The following CTSC variants were observed in gnomAD, a reference collection of about 807,000 sequenced individuals.
CTSC encodes cathepsin C, also known as dipeptidyl peptidase 1.
A neutral mutation model predicts 40.9 loss-of-function variants in CTSC; 37 were observed. That is an observed-to-expected ratio of 0.91 (90% confidence interval 0.70 to 1.19). CTSC has a LOEUF of 1.19. Among genes scored for constraint, CTSC ranks in the 50% most tolerant of loss-of-function variants. CTSC has a pLI of 0.00. For missense variants in CTSC, 594 were observed against 567.3 expected, an observed-to-expected ratio of 1.05 and a Z score of -0.48; for synonymous variants, 232 against 207.4, an observed-to-expected ratio of 1.12 and a Z score of -1.02.
At position 88,337,609 on chromosome 11, in the gene CTSC, C is replaced by T. The variant is rs201302634; in HGVS notation, c.64G>A (p.Val22Met). The T allele has an allele frequency of 1.3e-6, 2 of 1,580,556 alleles. No individual in the cohort carries two copies. Among genetic ancestry groups the T allele is most frequent in the Non-Finnish European group, 1.7e-6 (2 of 1,162,816 alleles). ...LLLLLSGDGAVRCDTPANCTY... is the reference protein window; with the variant it reads ...LLLLLSGDGAMRCDTPANCTY... ...CAGTTGGCAGGTGTGTCGCAGCGCA[C>T]GGCGCCGTCGCCGGAGAGAAGCAGC... Residue 22 changes from valine to methionine, a missense_variant, in exon 1 of 7, where the codon GTG becomes ATG. Transcript: ENST00000227266.
intron 2 of CTSC, chr11:88,324,011 TACTAC>T (rs1181812955): frequency 2.0e-5 from 3 of 152,070 alleles, no homozygotes; most frequent in Admixed American, 1.3e-4. Context: ...TTTCATACTA[TACTAC>T]AAGGCTACAG....
At chr11:88,309,566 T>A (rs562164299) in intron 3 of CTSC, among the ~76,000 whole-genome samples, 1 of 152,114 alleles carries the variant, frequency 6.6e-6, no homozygotes, top group Non-Finnish European at 1.5e-5. Context: ...AGATTGTAAA[T>A]AACCGAAATA....
At chr11:88,327,960 G>T in intron 2 of CTSC, 1 of 681,600 alleles carries the variant, frequency 1.5e-6, no homozygotes, top group Non-Finnish European at 2.7e-6. Flanking sequence ...AGAAACAGCA[G>T]ACAAGCAGGC....
At chr11:88,324,995 ATTC>A (rs1938140763) in intron 2 of CTSC, 1 of 985,238 alleles carries the variant, frequency 1.0e-6, no homozygotes. Context: ...CTAGAGAAAA[ATTC>A]TTCTATTCAA....
At position 88,294,316 on chromosome 11, in the gene CTSC, T is replaced by G; in HGVS notation, c.1082A>C (p.Lys361Thr). ...GGGCCCATGATGGACCAACTCAAGC[T>G]TCATCAGGGCTTCATTGCAGCCTCC... ...FYGGCNEALMKLELVHHGPMA... is the reference protein window; with the variant it reads ...FYGGCNEALMTLELVHHGPMA... Residue 361 changes from lysine (K) to threonine (T), a missense_variant, in exon 7 of 7, where the codon AAG becomes ACG. Coordinates refer to ENST00000227266, the MANE Select transcript of CTSC (RefSeq NM_001814.6). 3.1e-6 allele frequency: 5 copies of G among 1,614,156 alleles called. No individual in the cohort carries two copies. Among genetic ancestry groups the G allele is most frequent in the Non-Finnish European group, 4.2e-6 (5 of 1,180,034 alleles).
In CTSC at chr11:88,294,405, G is replaced by C; in HGVS notation, c.993C>G (p.Cys331Trp). ...CFPYTGTDSP[C>W]KMKEDCFRYY... ...AACGAAAGCAGTCTTCCTTCATTTT[G>C]CATGGAGAATCAGTGCCTGTGTAGG... Residue 331 changes from cysteine (C) to tryptophan (W), a missense_variant, in exon 7 of 7, where the codon TGC becomes TGG. Physicochemically the swap from Cys to Trp is radical, Grantham distance 215. Transcript: ENST00000227266. The C allele has an allele frequency of 6.2e-7, 1 of 1,614,102 alleles. No homozygotes were observed. Among genetic ancestry groups the C allele is most frequent in the Non-Finnish European group, 8.5e-7 (1 of 1,180,000 alleles).
intron 2 of CTSC, chr11:88,324,698 A>G (rs1938130158): frequency 1.0e-6 from 1 of 985,198 alleles, no homozygotes; most frequent in Admixed American, 6.2e-5. Context: ...CATGGCATGA[A>G]AGCAGAGGTA....
intron 2 of CTSC, among the ~76,000 whole-genome samples, chr11:88,333,361 AT>A (rs527717701): frequency 2.0e-5 from 3 of 151,976 alleles, no homozygotes; most frequent in Non-Finnish European, 2.9e-5. Context: ...TCATTCATTC[AT>A]TTTTTTTGTA....
rs45558734 is a variant in CTSC at position 88,294,252 on chromosome 11, G to A, written c.1146C>T (p.His382=). 2.9e-3 allele frequency: 4,649 copies of A among 1,614,044 alleles called. 17 individuals are homozygous for A. Among genetic ancestry groups the A allele is most frequent in the Middle Eastern group, 3.6e-3 (22 of 6,058 alleles). ...VAFEVYDDFL[H]YKKGIYHHTG... The stretch of plus-strand genomic sequence containing the variant: ...TGTGGTGGTAGATCCCCTTTTTGTA[G>A]TGGAGGAAGTCATCATATACTTCAA... The change falls in exon 7 of 7, where the codon CAC becomes CAT. Residue 382 remains histidine (H), a synonymous_variant. Transcript: ENST00000227266.
At chr11:88,327,987 T>A (rs1369168780) in intron 2 of CTSC, 1 of 738,038 alleles carries the variant, frequency 1.4e-6, no homozygotes, top group Non-Finnish European at 2.4e-6. Flanking sequence ...AAGAAATTCA[T>A]AAGAAAACCA....
chr11:88,314,150 A>G (rs919661911), intron 2 of CTSC, among the ~76,000 whole-genome samples: 30 of 152,204 alleles, frequency 2.0e-4, no homozygotes, highest in Non-Finnish European at 4.0e-4. Flanking sequence ...AGGACTAGAT[A>G]GTAAATATTT....
intron 2 of CTSC, among the ~76,000 whole-genome samples, chr11:88,332,361 C>T (rs372728712): frequency 2.4e-4 from 37 of 152,264 alleles, no homozygotes; most frequent in South Asian, 1.9e-3. Context: ...CCTTGAGTTA[C>T]GCATCCTTTC....
chr11:88,317,998 G>T (rs1937916999), intron 2 of CTSC, among the ~76,000 whole-genome samples: 1 of 152,008 alleles, frequency 6.6e-6, no homozygotes, highest in South Asian at 2.1e-4. Flanking sequence ...CATTTTATCA[G>T]CTATCCAATT....
At chr11:88,320,939 A>G (rs1245984135) in intron 2 of CTSC, 1 of 980,758 alleles carries the variant, frequency 1.0e-6, no homozygotes, top group Non-Finnish European at 1.2e-6. Context: ...TGAAGTTTAA[A>G]GACCAGAGAG....
intron 2 of CTSC, among the ~76,000 whole-genome samples, chr11:88,314,149 T>G (rs1937826356): frequency 6.6e-6 from 1 of 152,204 alleles, no homozygotes; most frequent in South Asian, 2.1e-4. Flanking sequence ...AAGGACTAGA[T>G]AGTAAATATT....
At chr11:88,330,249 AT>A (rs1938312610) in intron 2 of CTSC, among the ~76,000 whole-genome samples, 1 of 152,196 alleles carries the variant, frequency 6.6e-6, no homozygotes, top group Non-Finnish European at 1.5e-5. Flanking sequence ...GTTATTTCAA[AT>A]GCTTAGATAC....
chr11:88,332,291 C>T (rs974164869), intron 2 of CTSC, among the ~76,000 whole-genome samples: 4 of 152,120 alleles, frequency 2.6e-5, no homozygotes, highest in African/African-American at 9.7e-5. Flanking sequence ...GTAAAAGATG[C>T]TTTCTAATTC....
At chr11:88,301,806 GCGCGCA>G (rs1342631770) in intron 4 of CTSC, among the ~76,000 whole-genome samples, 1 of 49,514 alleles carries the variant, frequency 2.0e-5, no homozygotes, top group African/African-American at 4.8e-5. Context: ...ACAAACACAC[GCGCGCA>G]CACACACACA....
chr11:88,335,375 G>A lies in CTSC; in HGVS notation c.173-293C>T, dbSNP rs149709060. Among the ~76,000 whole-genome samples the A allele has an allele frequency of 5.4e-3, 829 of 152,162 alleles. 4 individuals are homozygous for A. Among genetic ancestry groups the A allele is most frequent in the Non-Finnish European group, 9.2e-3 (627 of 68,010 alleles). Reference sequence around the variant, plus strand: ...GGCTGAGGTCAGAACTTCAAGACTAGTTTGGGCAACATAGTGAGACCCTGT... The same window carrying A: ...GGCTGAGGTCAGAACTTCAAGACTAATTTGGGCAACATAGTGAGACCCTGT... On this transcript the variant is annotated intron_variant, in intron 1 of 6. Transcript: ENST00000227266.
Sources: gnomAD v4.1 joint callset for allele counts (sites outside exome capture counted in the v4.1 genomes callset) on GRCh38, gnomAD v4.1.1 for gene constraint, MANE v1.5 for transcripts, NCBI Gene and HGNC (gene_info 2026-07-23, HGNC 2026-07-21) for gene names.